Variants in EP300 observed in about 807,000 individuals in gnomAD.
The protein encoded by EP300 is histone acetyltransferase p300.
A neutral mutation model predicts 264.0 loss-of-function variants in EP300; 31 were observed. That is an observed-to-expected ratio of 0.12 (90% CI 0.09 to 0.16). EP300 has a LOEUF of 0.16. Among genes scored for constraint, EP300 ranks in the 10% least tolerant of loss-of-function variants. The pLI is 1.00. For missense variants in EP300, 2,766 were observed against 3,052.9 expected (o/e 0.91, Z 2.21); for synonymous variants, 1,340 against 1,045.4 (o/e 1.28, Z -5.44).
intron 13 of EP300, 46 bp downstream of exon 13, chr22:41,149,221 CT>C: frequency 6.2e-7 from 1 of 1,611,216 alleles, no homozygotes; most frequent in Non-Finnish European, 8.5e-7. Flanking sequence ...ATTCTTGAAA[CT>C]TCTCTTGATG....
chr22:41,153,003 G>T (rs1032554651), intron 16 of EP300, among the ~76,000 whole-genome samples: 1 of 152,096 alleles, frequency 6.6e-6, no homozygotes, highest in Non-Finnish European at 1.5e-5. Context: ...TGATCCACCC[G>T]CTTCGAGCTC....
intron 1 of EP300, among the ~76,000 whole-genome samples, chr22:41,096,281 T>C (rs184023375): frequency 6.6e-6 from 1 of 152,300 alleles, no homozygotes; most frequent in African/African-American, 2.4e-5. Flanking sequence ...TCTGATCATC[T>C]TGAGTGATGG....
chr22:41,147,413 CTTAGAA>C (rs2059017457), intron 11 of EP300, among the ~76,000 whole-genome samples: 1 of 151,626 alleles, frequency 6.6e-6, no homozygotes, highest in South Asian at 2.1e-4. Context: ...TTTATTTATA[CTTAGAA>C]GGTTGAAAGC....
chr22:41,149,204 A>G, intron 13 of EP300, 29 bp downstream of exon 13: 2 of 1,613,926 alleles, frequency 1.2e-6, no homozygotes, highest in East Asian at 2.2e-5. Flanking sequence ...TTTTTCACTT[A>G]TTTTTGATTC....
chr22:41,105,114 G>A (rs529457238), intron 1 of EP300, among the ~76,000 whole-genome samples: 2 of 137,358 alleles, frequency 1.5e-5, no homozygotes, highest in East Asian at 4.5e-4. Flanking sequence ...GGAGAATGGC[G>A]TGAACCCAGG....
chr22:41,149,927 T>C lies in EP300; in HGVS notation c.2546T>C (p.Ile849Thr). Reference protein sequence around the residue: ...TPTPHHTPPSIGAQQPPATTI... With the variant: ...TPTPHHTPPSTGAQQPPATTI... ...ACCCCTCACCATACTCCCCCAAGCA[T>C]AGGGGCTCAGCAGCCACCAGCAACA... is the stretch of plus-strand genomic sequence containing the variant. The change falls in exon 14 of 31, where the codon ATA becomes ACA. Residue 849 changes from isoleucine to threonine, a missense_variant. Ile to Thr is a moderately conservative substitution (Grantham distance 89). Transcript: ENST00000263253. 1.2e-6 allele frequency: 2 copies of C among 1,613,088 alleles called. No homozygotes were observed. Among genetic ancestry groups the C allele is most frequent in the South Asian group, 1.1e-5 (1 of 91,000 alleles).
intron 14 of EP300, among the ~76,000 whole-genome samples, chr22:41,151,598 G>A (rs973391245): frequency 6.6e-6 from 1 of 152,196 alleles, no homozygotes; most frequent in South Asian, 2.1e-4. Flanking sequence ...CAATGAAATA[G>A]TTGCTGGTTC....
chr22:41,173,980 C>T (rs551545170), intron 29 of EP300, among the ~76,000 whole-genome samples, 196 bp downstream of exon 29: 1 of 152,260 alleles, frequency 6.6e-6, no homozygotes, highest in African/African-American at 2.4e-5. Context: ...CATGGTGGCA[C>T]ATGCCTGTAA....
intron 7 of EP300, 142 bp downstream of exon 7, chr22:41,136,048 T>C (rs985256685): frequency 2.7e-6 from 2 of 733,016 alleles, no homozygotes; most frequent in African/African-American, 1.7e-5. Context: ...TTCTTTCTTT[T>C]TTCGCTCTGT....
In EP300 at chr22:41,177,229, G is replaced by A. The variant is rs2145516211; in HGVS notation, c.5518G>A (p.Val1840Met). ...GATGGCCAGCATGCAGCGGACTGGT[G>A]TGGTTGGGCAGCAACAGGGCCTCCC... ...RRMASMQRTG[V>M]VGQQQGLPSP... is the part of the protein sequence containing the mutation. The change falls in exon 31 of 31, where the codon GTG becomes ATG. Residue 1840 changes from valine (V) to methionine (M), a missense_variant. Val to Met is a conservative substitution (Grantham distance 21). Coordinates refer to ENST00000263253, the MANE Select transcript of EP300 (RefSeq NM_001429.4). The A allele has an allele frequency of 1.2e-6, 2 of 1,614,086 alleles. No homozygotes were observed. The highest frequency in any genetic ancestry group is 1.7e-6 in the Non-Finnish European group (2 of 1,180,008).
At chr22:41,142,436 T>A (rs1025174426) in intron 10 of EP300, among the ~76,000 whole-genome samples, 4 of 152,142 alleles carry the variant, frequency 2.6e-5, no homozygotes, top group Admixed American at 1.3e-4. Flanking sequence ...GGAGCAACAT[T>A]GCTGAGGAAA....
At position 41,140,157 on chromosome 22, in the gene EP300, C is replaced by T; in HGVS notation, c.1778C>T (p.Pro593Leu). 1 of 1,613,914 alleles carries T rather than the reference C, an allele frequency of 6.2e-7. No homozygotes were observed. Among genetic ancestry groups the T allele is most frequent in the Non-Finnish European group, 8.5e-7 (1 of 1,179,840 alleles). ...LVHKLVQAIFPTPDPAALKDR... is the reference protein window; with the variant it reads ...LVHKLVQAIFLTPDPAALKDR... Reference sequence around the variant, plus strand: ...TTTTCCAGCGTCCAAGCCATATTTCCTACGCCGGATCCTGCTGCTTTAAAA... The same window carrying T: ...TTTTCCAGCGTCCAAGCCATATTTCTTACGCCGGATCCTGCTGCTTTAAAA... The change falls in exon 9 of 31, where the codon CCT becomes CTT. Residue 593 changes from proline to leucine, a missense_variant. Coordinates refer to ENST00000263253, the MANE Select transcript of EP300 (RefSeq NM_001429.4).
chr22:41,116,357 C>T (rs1227131459), intron 1 of EP300, among the ~76,000 whole-genome samples: 1 of 152,128 alleles, frequency 6.6e-6, no homozygotes, highest in Non-Finnish European at 1.5e-5. Flanking sequence ...CTAATGCTAT[C>T]CTCTCCTAGC....
At position 41,176,935 on chromosome 22, in the gene EP300, C is replaced by T. The variant is rs766008648; in HGVS notation, c.5224C>T (p.Leu1742=). Residue 1742 remains leucine (L), a synonymous_variant, in exon 31 of 31, where the codon CTG becomes TTG. Coordinates refer to ENST00000263253, the MANE Select transcript of EP300 (RefSeq NM_001429.4). ...GAGTATCCAGCGCTGCATCCAGTCTCTGGTCCATGCTTGCCAGTGTCGGAA... is the reference window on the plus strand; with the variant it reads ...GAGTATCCAGCGCTGCATCCAGTCTTTGGTCCATGCTTGCCAGTGTCGGAA... ...RLSIQRCIQS[L]VHACQCRNAN... 2 of 1,614,084 alleles carry T rather than the reference C, an allele frequency of 1.2e-6. No homozygotes were observed. The highest frequency in any genetic ancestry group is 2.2e-5 in the East Asian group (1 of 44,888).
At chr22:41,172,875 C>G (rs942628559) in intron 28 of EP300, among the ~76,000 whole-genome samples, 48 of 152,166 alleles carry the variant, frequency 3.2e-4, no homozygotes, top group African/African-American at 1.1e-3. Flanking sequence ...AATGGCATCT[C>G]AGACTTTGAG....
chr22:41,176,925 C>T lies in EP300; in HGVS notation c.5214C>T (p.Cys1738=), dbSNP rs2059204120. 3.7e-6 allele frequency: 6 copies of T among 1,614,206 alleles called. No individual in the cohort carries two copies. The East Asian group carries it at 1.3e-4, about 36-fold the overall frequency. Residue 1738 remains cysteine (C), a synonymous_variant, in exon 31 of 31, where the codon TGC becomes TGT. Coordinates refer to ENST00000263253, the MANE Select transcript of EP300 (RefSeq NM_001429.4). ...CTCGCCGCCTGAGTATCCAGCGCTG[C>T]ATCCAGTCTCTGGTCCATGCTTGCC... The part of the protein sequence containing the change: ...GDSRRLSIQR[C]IQSLVHACQC...
intron 1 of EP300, among the ~76,000 whole-genome samples, chr22:41,112,507 T>C (rs2058798351): frequency 6.6e-6 from 1 of 152,140 alleles, no homozygotes; most frequent in Non-Finnish European, 1.5e-5. Context: ...CCAAGATGAA[T>C]CTTATATTTT....
At chr22:41,113,876 T>C (rs1248316504) in intron 1 of EP300, among the ~76,000 whole-genome samples, 2 of 152,166 alleles carry the variant, frequency 1.3e-5, no homozygotes, top group Non-Finnish European at 2.9e-5. Flanking sequence ...CATAGGCCTT[T>C]AGGTTTTGAA....
At chr22:41,161,099 A>G (rs892219138) in intron 20 of EP300, among the ~76,000 whole-genome samples, 1 of 152,238 alleles carries the variant, frequency 6.6e-6, no homozygotes, top group Non-Finnish European at 1.5e-5. Context: ...AGGTTAGTAC[A>G]AGAAAACATC....
Sources: gnomAD v4.1 joint callset for allele counts (sites outside exome capture counted in the v4.1 genomes callset) on GRCh38, gnomAD v4.1.1 for gene constraint, MANE v1.5 for transcripts, NCBI Gene and HGNC (gene_info 2026-07-23, HGNC 2026-07-21) for gene names.